Variants in ZMAT5 observed in about 807,000 individuals in gnomAD.
The protein encoded by ZMAT5 is zinc finger matrin-type 5.
Under a neutral mutation model 28.0 loss-of-function variants are expected in ZMAT5, and 23 were observed. The ratio of observed to expected loss-of-function variants is 0.82; its 90% CI spans 0.59 to 1.16. The LOEUF is 1.16. ZMAT5 is among the 50% of genes most tolerant of loss of function. The pLI is 0.00. For synonymous variants in ZMAT5, 76 were observed against 84.1 expected (o/e 0.90, Z 0.52); for missense variants, 173 against 212.7 (o/e 0.81, Z 1.16).
chr22:29,740,575 C>A lies in ZMAT5; in HGVS notation c.271+75G>T, dbSNP rs1390928170. On this transcript the variant is annotated intron_variant, in intron 4 of 5. Coordinates refer to ENST00000344318, the MANE Select transcript of ZMAT5 (RefSeq NM_001003692.2). ...TGATGGGGAGATAGGGAGGCATAGG[C>A]CAGCTTCCCCGGTCTCAGAGCCCAC... 2.1e-6 allele frequency: 3 copies of A among 1,456,258 alleles called. No individual in the cohort carries two copies. In the East Asian group the frequency reaches 7.4e-5, roughly 36 times the overall value. The allele number at this position is 1,456,258 out of a possible 1,614,324, so 90.2% of individuals were successfully genotyped here.
At chr22:29,765,575 T>C (rs2068200842) in intron 1 of ZMAT5, among the ~76,000 whole-genome samples, 2 of 151,472 alleles carry the variant, frequency 1.3e-5, no homozygotes, top group Non-Finnish European at 2.9e-5. Context: ...CTAACCTAAA[T>C]TACCACCCAT....
rs550428027 is a variant in ZMAT5, at chr22:29,766,602, G to A, written c.-28+270C>T. ...ATCCCAAGCAGGTTCCAAGTCTCCA[G>A]CCTTCCAAACCAGGGTTGCCCGGTG... On this transcript the variant is annotated intron_variant, in intron 1 of 5. Coordinates refer to ENST00000344318, the MANE Select transcript of ZMAT5 (RefSeq NM_001003692.2). Among the ~76,000 whole-genome samples, 19 of 152,360 alleles carry A rather than the reference G, an allele frequency of 1.2e-4. No individual in the cohort carries two copies. The South Asian group carries it at 3.7e-3, about 30-fold the overall frequency.
chr22:29,739,670 C>T (rs898717554), intron 4 of ZMAT5, among the ~76,000 whole-genome samples: 5 of 152,218 alleles, frequency 3.3e-5, no homozygotes, highest in African/African-American at 9.6e-5. Flanking sequence ...GCCCCGTGCT[C>T]GTCCCACCAT....
At position 29,734,070 on chromosome 22, in the gene ZMAT5, G is replaced by A. The variant is rs571649531; in HGVS notation, c.384-2716C>T. On this transcript the variant is annotated intron_variant, in intron 5 of 5. Transcript: ENST00000344318. ...TCGAGGAGGAGGATGGGCCAGGATGGCAGCGCCCGCCCAGAGAGGGGTGCA... is the reference window on the plus strand; with the variant it reads ...TCGAGGAGGAGGATGGGCCAGGATGACAGCGCCCGCCCAGAGAGGGGTGCA... Among the ~76,000 whole-genome samples, 38 of 152,352 alleles carry A rather than the reference G, an allele frequency of 2.5e-4. No individual in the cohort carries two copies. In the East Asian group the frequency reaches 5.4e-3, roughly 22 times the overall value.
intron 2 of ZMAT5, 77 bp downstream of exon 2, chr22:29,748,341 C>G: frequency 6.2e-7 from 1 of 1,604,014 alleles, no homozygotes; most frequent in Non-Finnish European, 8.5e-7. Context: ...CTGTCACTGA[C>G]CCACAGGAGT....
chr22:29,756,208 G>A (rs556978368), intron 1 of ZMAT5, among the ~76,000 whole-genome samples: 11 of 152,314 alleles, frequency 7.2e-5, no homozygotes, highest in Non-Finnish European at 1.3e-4. Context: ...GTAAACCACA[G>A]CCAGAGGACG....
At chr22:29,756,725 ATAGT>A (rs1188457624) in intron 1 of ZMAT5, among the ~76,000 whole-genome samples, 1 of 151,890 alleles carries the variant, frequency 6.6e-6, no homozygotes, top group Non-Finnish European at 1.5e-5. Context: ...CCTGGGCAAC[ATAGT>A]TAGACCCCAT....
At chr22:29,765,756 C>T (rs1423812228) in intron 1 of ZMAT5, among the ~76,000 whole-genome samples, 4 of 152,006 alleles carry the variant, frequency 2.6e-5, no homozygotes, top group Non-Finnish European at 5.9e-5. Flanking sequence ...TAATCCCAGC[C>T]ACTCGGGAGG....
At chr22:29,764,481 G>A (rs1319391151) in intron 1 of ZMAT5, among the ~76,000 whole-genome samples, 1 of 152,134 alleles carries the variant, frequency 6.6e-6, no homozygotes. Context: ...CAGAGGCAGA[G>A]CCAGGCCTGC....
intron 4 of ZMAT5, among the ~76,000 whole-genome samples, chr22:29,739,626 C>G (rs2067942383): frequency 6.6e-6 from 1 of 152,238 alleles, no homozygotes; most frequent in African/African-American, 2.4e-5. Context: ...CATTCCTGTC[C>G]CCGCTCGGCA....
At chr22:29,732,581 C>CA (rs1189402860) in intron 5 of ZMAT5, among the ~76,000 whole-genome samples, 2 of 150,408 alleles carry the variant, frequency 1.3e-5, no homozygotes, top group Admixed American at 1.3e-4. Flanking sequence ...ACTAAAAGTA[C>CA]AAAAAAAAAT....
chr22:29,739,705 A>G (rs2045298995), intron 4 of ZMAT5, among the ~76,000 whole-genome samples: 1 of 152,194 alleles, frequency 6.6e-6, no homozygotes, highest in Non-Finnish European at 1.5e-5. Flanking sequence ...CTGAGAGCCC[A>G]TAGCCAGGGA....
At chr22:29,739,473 T>A (rs2067940894) in intron 4 of ZMAT5, among the ~76,000 whole-genome samples, 1 of 152,182 alleles carries the variant, frequency 6.6e-6, no homozygotes, top group Non-Finnish European at 1.5e-5. Context: ...GTCATCTTGC[T>A]TCATCCTTAG....
intron 1 of ZMAT5, among the ~76,000 whole-genome samples, chr22:29,765,865 C>T (rs1416218815): frequency 6.6e-6 from 1 of 152,196 alleles, no homozygotes; most frequent in Non-Finnish European, 1.5e-5. Context: ...GAGACTCCAT[C>T]TCAAATAAAT....
intron 2 of ZMAT5, among the ~76,000 whole-genome samples, chr22:29,743,895 G>T (rs1341199248): frequency 6.6e-6 from 1 of 152,164 alleles, no homozygotes; most frequent in Admixed American, 6.5e-5. Flanking sequence ...GCCTGGGCTG[G>T]ACATTCACCC....
At chr22:29,763,049 G>A (rs563496827) in intron 1 of ZMAT5, among the ~76,000 whole-genome samples, 3 of 151,988 alleles carry the variant, frequency 2.0e-5, no homozygotes, top group African/African-American at 7.3e-5. Context: ...ATTAGGCTGG[G>A]TGGGAGGCCG....
intron 1 of ZMAT5, among the ~76,000 whole-genome samples, chr22:29,755,489 G>C (rs1347416766): frequency 2.0e-5 from 3 of 152,074 alleles, no homozygotes; most frequent in South Asian, 4.2e-4. Flanking sequence ...TGGCAGAGAG[G>C]AGAAAAGAGG....
At chr22:29,734,065 G>C (rs1232779539) in intron 5 of ZMAT5, among the ~76,000 whole-genome samples, 1 of 152,234 alleles carries the variant, frequency 6.6e-6, no homozygotes, top group African/African-American at 2.4e-5. Flanking sequence ...GGATGGGCCA[G>C]GATGGCAGCG....
chr22:29,732,642 A>G (rs2067860573), intron 5 of ZMAT5, among the ~76,000 whole-genome samples: 1 of 148,856 alleles, frequency 6.7e-6, no homozygotes, highest in Admixed American at 6.8e-5. Flanking sequence ...TGGGAGGCTG[A>G]GGCAGGAGAA....
Sources: gnomAD v4.1 joint callset for allele counts (sites outside exome capture counted in the v4.1 genomes callset) on GRCh38, gnomAD v4.1.1 for gene constraint, MANE v1.5 for transcripts, NCBI Gene and HGNC (gene_info 2026-07-23, HGNC 2026-07-21) for gene names.